The following FAT3 variants were observed in gnomAD, a reference collection of about 807,000 sequenced individuals.
FAT3 encodes the protein protocadherin Fat 3.
FAT3 carries 95 observed loss-of-function variants against 310.2 expected under a neutral mutation model. The observed-to-expected ratio is 0.31, with a 90% CI of 0.26 to 0.36. The LOEUF (loss-of-function observed/expected upper bound fraction) is 0.36, where lower values mean the gene tolerates loss of function less well. FAT3 is among the 10% of genes least tolerant of loss of function. The pLI is 1.00. For synonymous variants in FAT3, 2,314 were observed against 2,192.9 expected, an observed-to-expected ratio of 1.06 and a Z score of -1.54; for missense variants, 5,408 against 5,715.6, an observed-to-expected ratio of 0.95 and a Z score of 1.74.
At chr11:92,309,384 GCACACACACACACACA>G (rs59596533) in intron 1 of FAT3, among the ~76,000 whole-genome samples, 37 of 145,096 alleles carry the variant, frequency 2.6e-4, no homozygotes, top group African/African-American at 7.6e-4. Context: ...ACACACGCAT[GCACACACACACACACA>G]CACACACACA....
intron 1 of FAT3, among the ~76,000 whole-genome samples, chr11:92,315,512 T>TATATATAGAGAGAGAG (rs1353970811): frequency 8.9e-5 from 5 of 56,176 alleles, no homozygotes; most frequent in African/African-American, 1.3e-4. Flanking sequence ...TATATATATA[T>TATATATAGAGAGAGAG]AGAGAGAGAG....
Position 92,844,220 on chromosome 11 carries a change from T to C in FAT3, c.10853T>C (p.Leu3618Pro), listed in dbSNP as rs1208405486. 6.2e-7 allele frequency: 1 copy of C among 1,613,934 alleles called. No homozygotes were observed. Among genetic ancestry groups the C allele is most frequent in the Non-Finnish European group, 8.5e-7 (1 of 1,179,916 alleles). Residue 3618 changes from leucine (L) to proline (P), a missense_variant, in exon 19 of 28, where the codon CTG (leucine) becomes CCG (proline). Physicochemically the swap from Leu to Pro is moderately conservative, Grantham distance 98. This residue lies in a region of FAT3 where 4,588 missense variants were observed against 4,809.8 expected (regional missense o/e 0.95). Coordinates refer to ENST00000525166, the MANE Select transcript of FAT3 (RefSeq NM_001367949.2). ...GGCCTGGACAGCGGCAAGTATGTCCTGAATGTGTCTGTGAGTGATGGTCGC... is the reference window on the plus strand; with the variant it reads ...GGCCTGGACAGCGGCAAGTATGTCCCGAATGTGTCTGTGAGTGATGGTCGC... ...LGGLDSGKYV[L>P]NVSVSDGRFQ...
At chr11:92,559,396 T>TTC (rs1326517379) in intron 3 of FAT3, 1 of 203,630 alleles carries the variant, frequency 4.9e-6, no homozygotes, top group Non-Finnish European at 1.0e-5. Context: ...TTTTTTTTTT[T>TTC]TTTTTTGAAA....
chr11:92,846,136 A>G (rs551340757), intron 19 of FAT3, among the ~76,000 whole-genome samples: 35 of 152,310 alleles, frequency 2.3e-4, no homozygotes, highest in African/African-American at 8.2e-4. Flanking sequence ...AAACTGATAC[A>G]CCAAAGCTCT....
chr11:92,484,294 A>C (rs1952312736), intron 2 of FAT3, among the ~76,000 whole-genome samples: 1 of 152,072 alleles, frequency 6.6e-6, no homozygotes, highest in Non-Finnish European at 1.5e-5. Context: ...TTACTTTCTT[A>C]TGCTAGAATT....
intron 7 of FAT3, among the ~76,000 whole-genome samples, chr11:92,779,163 G>A (rs894594032): frequency 2.6e-5 from 4 of 152,076 alleles, no homozygotes; most frequent in Admixed American, 2.6e-4. Flanking sequence ...AGAGTATCCA[G>A]GTAGAAACAG....
intron 4 of FAT3, among the ~76,000 whole-genome samples, chr11:92,737,513 C>T (rs2852400): frequency 0.2 from 29,802 of 151,740 alleles, 3,088 homozygotes; most frequent in African/African-American, 0.26. Flanking sequence ...ATATACATCA[C>T]TGTGTACGTG....
chr11:92,776,559 A>G (rs1488286337), intron 7 of FAT3, among the ~76,000 whole-genome samples: 1 of 152,220 alleles, frequency 6.6e-6, no homozygotes, highest in African/African-American at 2.4e-5. Context: ...ATATGGAAAC[A>G]TGTATTACAA....
intron 3 of FAT3, among the ~76,000 whole-genome samples, chr11:92,679,160 A>G (rs759926351): frequency 6.6e-6 from 1 of 152,138 alleles, no homozygotes; most frequent in Non-Finnish European, 1.5e-5. Flanking sequence ...ATAGTATTCC[A>G]TTGTGTATAT....
chr11:92,770,001 A>G (rs1358231139), intron 6 of FAT3, among the ~76,000 whole-genome samples: 1 of 152,218 alleles, frequency 6.6e-6, no homozygotes, highest in Non-Finnish European at 1.5e-5. Context: ...TTCCCTAATC[A>G]GGTGGCTGTA....
At chr11:92,858,901 G>T (rs1476766691) in intron 20 of FAT3, among the ~76,000 whole-genome samples, 1 of 152,102 alleles carries the variant, frequency 6.6e-6, no homozygotes, top group African/African-American at 2.4e-5. Context: ...CCAAGTTGTG[G>T]AATTTACCAA....
chr11:92,571,237 T>A (rs112895810), intron 3 of FAT3, among the ~76,000 whole-genome samples: 40 of 152,114 alleles, frequency 2.6e-4, no homozygotes, highest in African/African-American at 9.4e-4. Context: ...AAGATACATA[T>A]GGTTAGAGTG....
chr11:92,638,238 A>C (rs192675160), intron 3 of FAT3, among the ~76,000 whole-genome samples: 1 of 152,336 alleles, frequency 6.6e-6, no homozygotes, highest in Non-Finnish European at 1.5e-5. Context: ...ACAGGCATGT[A>C]TATGCAAGTA....
intron 3 of FAT3, among the ~76,000 whole-genome samples, chr11:92,565,725 G>T (rs1955409978): frequency 6.6e-6 from 1 of 151,398 alleles, no homozygotes; most frequent in South Asian, 2.1e-4. Context: ...ATGCAAGGCT[G>T]GTTCAATATA....
Position 92,417,449 on chromosome 11 carries a change from T to C in FAT3, c.3292+62045T>C, listed in dbSNP as rs537409676. ...ATATTATGTAGTCAGAAGGCAGGTG[T>C]ATAAACCAATAAATACAAAGTAGTG... On this transcript the variant is annotated intron_variant, in intron 2 of 27. Transcript: ENST00000525166. 2.0e-5 allele frequency among the ~76,000 whole-genome samples: 3 copies of C among 152,336 alleles called. No individual in the cohort carries two copies. The East Asian group carries it at 5.8e-4, about 29-fold the overall frequency.
Position 92,801,377 on chromosome 11 carries a change from C to G in FAT3, c.8364C>G (p.Pro2788=), listed in dbSNP as rs1417657105. 1 of 1,613,872 alleles carries G rather than the reference C, an allele frequency of 6.2e-7. No homozygotes were observed. The highest frequency in any genetic ancestry group is 8.5e-7 in the Non-Finnish European group (1 of 1,179,830). Residue 2788 remains proline (P), a synonymous_variant, in exon 10 of 28, where the codon CCC becomes CCG. Transcript: ENST00000525166. ...ACTTTAAAGTAGCAGCCACTATACC[C>G]CTGGACAAAGTAGACATTGTGTTTA... ...AFHFKVAATI[P]LDKVDIVFTV...
chr11:92,554,323 G>T (rs992393136), intron 3 of FAT3, among the ~76,000 whole-genome samples: 1 of 151,600 alleles, frequency 6.6e-6, no homozygotes, highest in African/African-American at 2.4e-5. Flanking sequence ...TTAGCCAGGC[G>T]TGGTGGCAGG....
At chr11:92,609,734 AGT>A (rs141291194) in intron 3 of FAT3, among the ~76,000 whole-genome samples, 2 of 151,996 alleles carry the variant, frequency 1.3e-5, no homozygotes, top group African/African-American at 2.4e-5. Flanking sequence ...ATAATATGAA[AGT>A]GTGTGTGTGT....
intron 2 of FAT3, among the ~76,000 whole-genome samples, chr11:92,430,446 G>GT (rs1950739935): frequency 6.6e-6 from 1 of 152,054 alleles, no homozygotes; most frequent in Admixed American, 6.6e-5. Flanking sequence ...CTTTTGCACT[G>GT]TTTTTTCCTT....
Sources: gnomAD v4.1 joint callset for allele counts (sites outside exome capture counted in the v4.1 genomes callset) on GRCh38, gnomAD v4.1.1 for gene constraint, gnomAD v4.1.1 regional missense constraint, MANE v1.5 for transcripts, NCBI Gene and HGNC (gene_info 2026-07-23, HGNC 2026-07-21) for gene names.